NCKAP5: variants seen among roughly 807,000 people sequenced by gnomAD.
NCKAP5 encodes nck-associated protein 5.
A neutral mutation model predicts 167.0 loss-of-function variants in NCKAP5; 92 were observed. The observed-to-expected ratio is 0.55, with a 90% CI of 0.47 to 0.66. The LOEUF (loss-of-function observed/expected upper bound fraction) is 0.66, where lower values mean the gene tolerates loss of function less well. NCKAP5 is among the 30% of genes least tolerant of loss of function. The probability of loss-of-function intolerance (pLI) is 0.00; values close to 1 mark genes in which losing one functional copy is unlikely to be tolerated. For synonymous variants in NCKAP5, 891 were observed against 877.4 expected (o/e 1.02, Z -0.27); for missense variants, 2,378 against 2,315.0 (o/e 1.03, Z -0.56).
chr2:133,129,341 T>C (rs1319429592), intron 6 of NCKAP5, among the ~76,000 whole-genome samples: 1 of 151,566 alleles, frequency 6.6e-6, no homozygotes, highest in Non-Finnish European at 1.5e-5. Flanking sequence ...TGAGAACATG[T>C]GGTATTTGGT....
intron 19 of NCKAP5, among the ~76,000 whole-genome samples, chr2:132,721,390 A>G (rs1475175416): frequency 6.6e-6 from 1 of 152,170 alleles, no homozygotes; most frequent in African/African-American, 2.4e-5. Flanking sequence ...ATCTTGGCAA[A>G]CATCCAATAA....
chr2:133,535,994 T>C (rs1216788198), intron 2 of NCKAP5, among the ~76,000 whole-genome samples: 2 of 152,202 alleles, frequency 1.3e-5, no homozygotes, highest in Non-Finnish European at 2.9e-5. Flanking sequence ...AGTTGTTTTC[T>C]TCTTGCTGAG....
At chr2:133,018,346 C>T (rs1458249215) in intron 6 of NCKAP5, among the ~76,000 whole-genome samples, 4 of 152,220 alleles carry the variant, frequency 2.6e-5, no homozygotes, top group Non-Finnish European at 5.9e-5. Context: ...AGAATACTGA[C>T]ATACTGTCTA....
intron 5 of NCKAP5, among the ~76,000 whole-genome samples, chr2:133,182,940 C>A (rs541578740): frequency 2.6e-5 from 4 of 152,192 alleles, no homozygotes; most frequent in African/African-American, 7.2e-5. Context: ...ACTACAGACA[C>A]AGCAGATATC....
chr2:132,732,076 A>G, intron 16 of NCKAP5, 25 bp from the exon 17 acceptor site: 1 of 1,582,502 alleles, frequency 6.3e-7, no homozygotes, highest in South Asian at 1.2e-5. Context: ...CAGAGAGAGA[A>G]GGGAATAGAG....
At chr2:133,272,297 G>A (rs2089549873) in intron 4 of NCKAP5, among the ~76,000 whole-genome samples, 1 of 151,696 alleles carries the variant, frequency 6.6e-6, no homozygotes, top group African/African-American at 2.4e-5. Flanking sequence ...AATCAATACA[G>A]GATCAATAAA....
chr2:133,024,085 G>T (rs772429922), intron 6 of NCKAP5, among the ~76,000 whole-genome samples: 2 of 152,142 alleles, frequency 1.3e-5, no homozygotes, highest in African/African-American at 2.4e-5. Context: ...TAACCATAAA[G>T]TATAAACATC....
intron 4 of NCKAP5, among the ~76,000 whole-genome samples, chr2:133,257,741 A>C (rs1209762915): frequency 6.6e-6 from 1 of 152,212 alleles, no homozygotes; most frequent in Non-Finnish European, 1.5e-5. Context: ...CGGTTCTTGG[A>C]GACCAGAGAG....
At chr2:133,408,708 T>C (rs930144230) in intron 3 of NCKAP5, among the ~76,000 whole-genome samples, 1 of 152,240 alleles carries the variant, frequency 6.6e-6, no homozygotes, top group Non-Finnish European at 1.5e-5. Flanking sequence ...GGGTTTGCCA[T>C]GGGACTGTCA....
chr2:132,884,785 A>G (rs1692080126), intron 8 of NCKAP5, among the ~76,000 whole-genome samples: 1 of 152,214 alleles, frequency 6.6e-6, no homozygotes, highest in South Asian at 2.1e-4. Flanking sequence ...AATGTCTTGG[A>G]AAAAACATGT....
chr2:132,722,770 C>T (rs866515205), intron 19 of NCKAP5, among the ~76,000 whole-genome samples: 25 of 151,976 alleles, frequency 1.6e-4, no homozygotes, highest in Admixed American at 3.3e-4. Context: ...CATCCTTGAC[C>T]CTACGTTTTT....
intron 7 of NCKAP5, among the ~76,000 whole-genome samples, chr2:132,970,539 A>C (rs1415824854): frequency 2.0e-5 from 3 of 152,184 alleles, no homozygotes; most frequent in African/African-American, 4.8e-5. Flanking sequence ...TATGATTGAG[A>C]CCATAAGCTT....
intron 6 of NCKAP5, among the ~76,000 whole-genome samples, chr2:133,020,021 C>T (rs547995318): frequency 6.6e-6 from 1 of 152,340 alleles, no homozygotes; most frequent in East Asian, 1.9e-4. Context: ...TCAGTTTCCT[C>T]ATCAGTAAAA....
intron 4 of NCKAP5, among the ~76,000 whole-genome samples, chr2:133,272,616 C>T (rs2089562349): frequency 2.0e-5 from 3 of 152,066 alleles, no homozygotes; most frequent in African/African-American, 7.2e-5. Context: ...AAAATTTACC[C>T]AAGTTGAATT....
chr2:133,436,110 C>T (rs1690460913), intron 3 of NCKAP5, among the ~76,000 whole-genome samples: 1 of 152,206 alleles, frequency 6.6e-6, no homozygotes, highest in East Asian at 1.9e-4. Flanking sequence ...CATCCCCCCA[C>T]TCCCCAAATC....
At chr2:132,988,576 G>A (rs2077363706) in intron 7 of NCKAP5, among the ~76,000 whole-genome samples, 1 of 152,094 alleles carries the variant, frequency 6.6e-6, no homozygotes, top group South Asian at 2.1e-4. Context: ...TGTGTTTCTG[G>A]GTTGTCTGAA....
intron 6 of NCKAP5, among the ~76,000 whole-genome samples, chr2:133,124,460 T>C (rs1474306501): frequency 6.6e-6 from 1 of 152,182 alleles, no homozygotes; most frequent in Non-Finnish European, 1.5e-5. Context: ...TCAAACACGC[T>C]GCAGCACAGA....
At chr2:132,832,296 T>G (rs1268257882) in intron 11 of NCKAP5, among the ~76,000 whole-genome samples, 1 of 152,150 alleles carries the variant, frequency 6.6e-6, no homozygotes, top group Admixed American at 6.5e-5. Flanking sequence ...ATAGAGTGCT[T>G]GTTACTATTA....
chr2:133,386,970 A>G (rs996677452), intron 3 of NCKAP5, among the ~76,000 whole-genome samples: 4 of 152,204 alleles, frequency 2.6e-5, no homozygotes, highest in African/African-American at 4.8e-5. Context: ...TCCTGAAGGC[A>G]GCACACTGAT....
Sources: gnomAD v4.1 joint callset for allele counts (sites outside exome capture counted in the v4.1 genomes callset) on GRCh38, gnomAD v4.1.1 for gene constraint, MANE v1.5 for transcripts, NCBI Gene and HGNC (gene_info 2026-07-23, HGNC 2026-07-21) for gene names.